The following GRM7 variants were observed in gnomAD, a reference collection of about 807,000 sequenced individuals.
GRM7 encodes the protein glutamate metabotropic receptor 7.
GRM7 carries 35 observed loss-of-function variants against 84.5 expected under a neutral mutation model. The ratio of observed to expected loss-of-function variants is 0.41; its 90% CI spans 0.32 to 0.55. The LOEUF (loss-of-function observed/expected upper bound fraction) is 0.55, where lower values mean the gene tolerates loss of function less well. GRM7 is among the 20% of genes least tolerant of loss of function. The probability of loss-of-function intolerance (pLI) is 0.19; values close to 1 mark genes in which losing one functional copy is unlikely to be tolerated. For synonymous variants in GRM7, 487 were observed against 455.1 expected (o/e 1.07, Z -0.89); for missense variants, 1,003 against 1,194.6 (o/e 0.84, Z 2.36).
intron 1 of GRM7, among the ~76,000 whole-genome samples, chr3:6,904,840 T>C (rs1696511208): frequency 6.6e-6 from 1 of 151,962 alleles, no homozygotes; most frequent in African/African-American, 2.4e-5. Context: ...CCACCTTCAG[T>C]CTCCCAAATA....
intron 8 of GRM7, among the ~76,000 whole-genome samples, chr3:7,670,126 G>T (rs765288554): frequency 6.6e-6 from 1 of 152,170 alleles, no homozygotes; most frequent in Non-Finnish European, 1.5e-5. Context: ...GGCGCTCAGG[G>T]TGGAGAATGG....
intron 1 of GRM7, among the ~76,000 whole-genome samples, chr3:7,119,749 T>C (rs1429312804): frequency 6.6e-6 from 1 of 152,156 alleles, no homozygotes; most frequent in Non-Finnish European, 1.5e-5. Context: ...TAGGCATCTA[T>C]ACACAAACAC....
chr3:7,218,032 T>G (rs1696672964), intron 2 of GRM7, among the ~76,000 whole-genome samples: 1 of 152,092 alleles, frequency 6.6e-6, no homozygotes, highest in Non-Finnish European at 1.5e-5. Flanking sequence ...TTAGCCAACC[T>G]TTGCTGTTAA....
At chr3:7,224,288 A>G (rs1376469140) in intron 2 of GRM7, among the ~76,000 whole-genome samples, 2 of 152,168 alleles carry the variant, frequency 1.3e-5, no homozygotes, top group Non-Finnish European at 2.9e-5. Flanking sequence ...AGAGGAGGCG[A>G]GGTGCTATAC....
At chr3:7,708,393 A>C (rs1701467987) in intron 9 of GRM7, among the ~76,000 whole-genome samples, 1 of 152,098 alleles carries the variant, frequency 6.6e-6, no homozygotes, top group Non-Finnish European at 1.5e-5. Context: ...CCGGTTGCAC[A>C]GAAAGCACAG....
chr3:7,064,491 C>CATATATATACACACACATATACAT (rs1559415450), intron 1 of GRM7, among the ~76,000 whole-genome samples: 2 of 69,646 alleles, frequency 2.9e-5, no homozygotes, highest in Non-Finnish European at 5.9e-5. Context: ...CACACATATA[C>CATATATATACACACACATATACAT]ATATATATAT....
chr3:7,478,592 C>T (rs1699014156), intron 7 of GRM7, among the ~76,000 whole-genome samples: 1 of 152,070 alleles, frequency 6.6e-6, no homozygotes, highest in South Asian at 2.1e-4. Context: ...GTCAACAGCT[C>T]TTGATGAAAT....
chr3:7,652,093 C>T (rs1408986472), intron 8 of GRM7, among the ~76,000 whole-genome samples: 2 of 152,210 alleles, frequency 1.3e-5, no homozygotes, highest in East Asian at 3.8e-4. Flanking sequence ...ATGCTTTAAA[C>T]CAAGGCACCA....
chr3:7,526,563 G>A (rs776064639), intron 7 of GRM7, among the ~76,000 whole-genome samples: 13 of 151,680 alleles, frequency 8.6e-5, no homozygotes, highest in South Asian at 2.1e-4. Context: ...TTTTGTTTTT[G>A]TTTGCTTTTG....
chr3:7,564,010 C>T (rs1209882854), intron 7 of GRM7, among the ~76,000 whole-genome samples: 1 of 151,994 alleles, frequency 6.6e-6, no homozygotes, highest in Non-Finnish European at 1.5e-5. Context: ...GAAGAGAAAG[C>T]AGAGTAAAGG....
At chr3:6,868,125 C>T (rs982205396) in intron 1 of GRM7, among the ~76,000 whole-genome samples, 2 of 152,124 alleles carry the variant, frequency 1.3e-5, no homozygotes, top group Non-Finnish European at 2.9e-5. Flanking sequence ...ATTTAATTCT[C>T]ACAGTAGTCC....
chr3:6,874,333 C>T (rs920760574), intron 1 of GRM7, among the ~76,000 whole-genome samples: 5 of 152,260 alleles, frequency 3.3e-5, no homozygotes, highest in African/African-American at 1.2e-4. Flanking sequence ...TTACATTTAT[C>T]AAGTGTCGTT....
intron 7 of GRM7, among the ~76,000 whole-genome samples, chr3:7,469,842 A>G (rs1274353997): frequency 6.6e-6 from 1 of 152,260 alleles, no homozygotes; most frequent in Non-Finnish European, 1.5e-5. Context: ...ATCAAAATTA[A>G]GTACTGCTTC....
At chr3:7,051,895 G>A (rs1239414924) in intron 1 of GRM7, among the ~76,000 whole-genome samples, 1 of 151,702 alleles carries the variant, frequency 6.6e-6, no homozygotes, top group Non-Finnish European at 1.5e-5. Context: ...TTATTTAATA[G>A]TTTAGAAACT....
At chr3:7,426,608 T>C (rs1024118652) in intron 5 of GRM7, among the ~76,000 whole-genome samples, 2 of 152,186 alleles carry the variant, frequency 1.3e-5, no homozygotes, top group Non-Finnish European at 2.9e-5. Context: ...CTGTCTGCTC[T>C]GCCACCTTCC....
chr3:7,655,121 T>C (rs1043679906), intron 8 of GRM7, among the ~76,000 whole-genome samples: 5 of 152,236 alleles, frequency 3.3e-5, no homozygotes, highest in African/African-American at 2.4e-5. Context: ...GGGACATCTG[T>C]GGTGGGTTAT....
At chr3:6,868,755 C>T (rs1228367329) in intron 1 of GRM7, among the ~76,000 whole-genome samples, 2 of 152,138 alleles carry the variant, frequency 1.3e-5, no homozygotes, top group East Asian at 3.9e-4. Flanking sequence ...ACAGGAAGTA[C>T]ATCCTAATAA....
intron 1 of GRM7, among the ~76,000 whole-genome samples, chr3:7,051,742 C>A (rs1315011267): frequency 6.6e-6 from 1 of 151,626 alleles, no homozygotes; most frequent in African/African-American, 2.4e-5. Context: ...TTTTAAAGTG[C>A]AAAAGATGTC....
intron 7 of GRM7, chr3:7,561,527 T>C: frequency 2.2e-6 from 1 of 456,572 alleles, no homozygotes; most frequent in South Asian, 1.5e-5. Context: ...TGCTACAGAA[T>C]GTTGGCATGG....
Sources: allele counts gnomAD v4.1 joint callset (sites outside exome capture counted in the v4.1 genomes callset), GRCh38; gene constraint gnomAD v4.1.1; transcripts MANE v1.5; gene names NCBI Gene and HGNC (gene_info 2026-07-23, HGNC 2026-07-21).